Variants in FNIP2 observed in about 807,000 individuals in gnomAD.
FNIP2 encodes folliculin-interacting protein 2.
FNIP2 carries 32 observed loss-of-function variants against 108.7 expected under a neutral mutation model. The observed-to-expected ratio is 0.29, with a 90% CI of 0.22 to 0.40. FNIP2 has a LOEUF of 0.40. FNIP2 is among the 10% of genes least tolerant of loss of function. The pLI, the probability that FNIP2 is intolerant of heterozygous loss-of-function variation, is 1.00. For missense variants in FNIP2, 1,202 were observed against 1,381.6 expected (o/e 0.87, Z 2.06); for synonymous variants, 480 against 496.7 (o/e 0.97, Z 0.45).
Position 158,830,248 on chromosome 4 carries a change from C to CTTTTTT in FNIP2, c.381+1043_381+1048dup, listed in dbSNP as rs35746599. On this transcript the variant is annotated intron_variant, in intron 3 of 16. Coordinates refer to ENST00000264433, the MANE Select transcript of FNIP2 (RefSeq NM_020840.3). ...GAGCAGGGCTGATAGATTTATCTTTCTTTTTTTTTTTTTTTTTTTTTTTTT... is the reference window on the plus strand; with the variant it reads ...GAGCAGGGCTGATAGATTTATCTTTCTTTTTTTTTTTTTTTTTTTTTTTTTTTTTTT... 3.0e-4 allele frequency among the ~76,000 whole-genome samples: 19 copies of CTTTTTT among 63,974 alleles called. 1 individual carries two copies. Among genetic ancestry groups the CTTTTTT allele is most frequent in the African/African-American group, 9.1e-4 (15 of 16,556 alleles). The allele number at this position is 63,974 out of a possible 152,430, so 42.0% of individuals were successfully genotyped here. A position where few individuals can be genotyped will look rare whatever the true frequency, so the allele number is the denominator to read the frequency against.
In FNIP2 at chr4:158,792,064, A is replaced by G. The variant is rs1260893754; in HGVS notation, c.107+22745A>G. Among the ~76,000 whole-genome samples the G allele has an allele frequency of 3.3e-5, 5 of 152,200 alleles. No individual in the cohort carries two copies. In the East Asian group the frequency reaches 9.7e-4, roughly 29 times the overall value. ...AGCTACAGTGAGCCGTGATTGCACC[A>G]CTGCACTCCAGCCTGGGAGACAGAG... On this transcript the variant is annotated intron_variant, in intron 1 of 16. Transcript: ENST00000264433.
chr4:158,798,468 C>T (rs1056034099), intron 1 of FNIP2, among the ~76,000 whole-genome samples: 10 of 152,170 alleles, frequency 6.6e-5, no homozygotes, highest in African/African-American at 2.4e-4. Context: ...TTACCCTTCC[C>T]CTGCTTCATC....
intron 1 of FNIP2, among the ~76,000 whole-genome samples, chr4:158,791,172 G>T (rs1293749295): frequency 6.6e-6 from 1 of 151,482 alleles, no homozygotes; most frequent in Admixed American, 6.6e-5. Flanking sequence ...ACATTTTCAG[G>T]CAGTTTTGCT....
intron 1 of FNIP2, among the ~76,000 whole-genome samples, chr4:158,798,496 C>A (rs1239555125): frequency 6.6e-6 from 1 of 152,226 alleles, no homozygotes; most frequent in African/African-American, 2.4e-5. Flanking sequence ...ATAGCACTCA[C>A]CATTTGTTTT....
chr4:158,889,931 G>T, intron 14 of FNIP2: 1 of 985,158 alleles, frequency 1.0e-6, no homozygotes, highest in Non-Finnish European at 1.2e-6. Context: ...CTGAAGCCTT[G>T]TATCTTTAGT....
At chr4:158,812,264 T>C (rs890196780) in intron 1 of FNIP2, among the ~76,000 whole-genome samples, 6 of 152,342 alleles carry the variant, frequency 3.9e-5, no homozygotes, top group African/African-American at 1.4e-4. Flanking sequence ...CATTCCCCTC[T>C]GTCAGTAGGA....
At chr4:158,777,572 G>A (rs1247511181) in intron 1 of FNIP2, among the ~76,000 whole-genome samples, 2 of 152,164 alleles carry the variant, frequency 1.3e-5, no homozygotes, top group East Asian at 1.9e-4. Context: ...AGCATATCAG[G>A]CAATGACTGT....
Position 158,905,666 on chromosome 4 carries a change from C to T in FNIP2, c.*1122C>T, listed in dbSNP as rs894657785. On this transcript the variant is annotated 3_prime_UTR_variant, in exon 17 of 17. Transcript: ENST00000264433. Reference sequence around the variant, plus strand: ...CATTAACTTACACATTGTATAAAACCGACCAAAATGATTTCCTAAAGTTCA... The same window carrying T: ...CATTAACTTACACATTGTATAAAACTGACCAAAATGATTTCCTAAAGTTCA... 6.7e-6 allele frequency: 1 copy of T among 148,824 alleles called. No homozygotes were observed. The highest frequency in any genetic ancestry group is 2.1e-4 in the South Asian group (1 of 4,654). The allele number at this position is 148,824 out of a possible 1,614,324, so 9.2% of individuals were successfully genotyped here. A position where few individuals can be genotyped will look rare whatever the true frequency, so the allele number is the denominator to read the frequency against.
intron 12 of FNIP2, 112 bp from the exon 13 acceptor site, chr4:158,867,990 G>A: frequency 2.2e-6 from 3 of 1,389,510 alleles, no homozygotes; most frequent in Non-Finnish European, 2.9e-6. Flanking sequence ...GTCTGAAGCA[G>A]GGACTCCAGA....
intron 14 of FNIP2, among the ~76,000 whole-genome samples, chr4:158,873,356 T>TTTTTTGTTTTGTTTTG (rs1232140157): frequency 3.9e-5 from 6 of 152,076 alleles, no homozygotes; most frequent in Non-Finnish European, 8.8e-5. Context: ...TGTGGTGGTT[T>TTTTTTGTTTTGTTTTG]TTTTTGTTTT....
chr4:158,815,178 G>A (rs933006306), intron 1 of FNIP2, among the ~76,000 whole-genome samples: 3 of 152,174 alleles, frequency 2.0e-5, no homozygotes, highest in Admixed American at 6.5e-5. Flanking sequence ...GAGGAACAAA[G>A]AGATTAGGTA....
rs56397772 is a variant in FNIP2 at position 158,874,492 on chromosome 4, C to CAAAAAA, written c.2949+4031_2949+4036dup. On this transcript the variant is annotated intron_variant, in intron 14 of 16. Transcript: ENST00000264433. Reference sequence around the variant, plus strand: ...CAATATAGCAAAATCCCATCTCTAGCAAAAAAAAAAAAATAGCTAGGCATG... The same window carrying CAAAAAA: ...CAATATAGCAAAATCCCATCTCTAGCAAAAAAAAAAAAAAAAAAATAGCTAGGCATG... Among the ~76,000 whole-genome samples, 2 of 91,442 alleles carry CAAAAAA rather than the reference C, an allele frequency of 2.2e-5. 1 individual carries two copies. Among genetic ancestry groups the CAAAAAA allele is most frequent in the Non-Finnish European group, 4.1e-5 (2 of 48,474 alleles). The allele number at this position is 91,442 out of a possible 152,430, so 60.0% of individuals were successfully genotyped here.
chr4:158,778,514 A>T (rs771801529), intron 1 of FNIP2, among the ~76,000 whole-genome samples: 1 of 152,216 alleles, frequency 6.6e-6, no homozygotes, highest in East Asian at 1.9e-4. Context: ...GTCATCTCAC[A>T]TCATCTCAAG....
rs763993382 is a variant in FNIP2 at position 158,829,173 on chromosome 4, G to T, written c.329G>T (p.Ser110Ile). The T allele has an allele frequency of 6.2e-7, 1 of 1,613,068 alleles. No homozygotes were observed. ...SSSSSSISSH[S>I]SSGGSSHHAK... Reference sequence around the variant, plus strand: ...AGCAGCAGCAGCATCTCTTCCCACAGTTCTTCTGGGGGATCTTCACATCAT... The same window carrying T: ...AGCAGCAGCAGCATCTCTTCCCACATTTCTTCTGGGGGATCTTCACATCAT... The change falls in exon 3 of 17, where the codon AGT (serine) becomes ATT (isoleucine). Residue 110 changes from serine (S) to isoleucine (I), a missense_variant. This residue lies in a region of FNIP2 where 173 missense variants were observed against 165.9 expected (regional missense o/e 1.04). Coordinates refer to ENST00000264433, the MANE Select transcript of FNIP2 (RefSeq NM_020840.3).
chr4:158,832,223 A>G (rs1778526466), intron 5 of FNIP2, 85 bp downstream of exon 5: 7 of 1,083,784 alleles, frequency 6.5e-6, no homozygotes, highest in South Asian at 6.0e-5. Context: ...GCCATAAGGC[A>G]TTTTGAAATG....
intron 14 of FNIP2, among the ~76,000 whole-genome samples, chr4:158,880,352 C>T (rs1781518301): frequency 6.6e-6 from 1 of 152,062 alleles, no homozygotes; most frequent in South Asian, 2.1e-4. Flanking sequence ...GACAGAAAAC[C>T]AAACACCGCA....
chr4:158,829,931 C>G lies in FNIP2; in HGVS notation c.381+706C>G, dbSNP rs552370883. 3.9e-5 allele frequency among the ~76,000 whole-genome samples: 6 copies of G among 152,264 alleles called. No homozygotes were observed. In the South Asian group the frequency reaches 1.2e-3, roughly 32 times the overall value. On this transcript the variant is annotated intron_variant, in intron 3 of 16. Coordinates refer to ENST00000264433, the MANE Select transcript of FNIP2 (RefSeq NM_020840.3). Reference sequence around the variant, plus strand: ...CTAGGGAAGTTACCAGCAAATGGGTCTGGAGAACTTTGTTTTTTCATAGTT... The same window carrying G: ...CTAGGGAAGTTACCAGCAAATGGGTGTGGAGAACTTTGTTTTTTCATAGTT...
chr4:158,850,428 C>A (rs949171260), intron 7 of FNIP2, among the ~76,000 whole-genome samples: 1 of 151,712 alleles, frequency 6.6e-6, no homozygotes, highest in African/African-American at 2.4e-5. Flanking sequence ...CTTTGCCTAC[C>A]TGAGAGGGAC....
chr4:158,864,315 C>G (rs1338430288), intron 12 of FNIP2, among the ~76,000 whole-genome samples: 1 of 152,150 alleles, frequency 6.6e-6, no homozygotes, highest in Non-Finnish European at 1.5e-5. Flanking sequence ...AGGTGTCAGC[C>G]ACCATACCCA....
Sources: allele counts gnomAD v4.1 joint callset (sites outside exome capture counted in the v4.1 genomes callset), GRCh38; gene constraint gnomAD v4.1.1; regional missense constraint gnomAD v4.1.1; transcripts MANE v1.5; gene names NCBI Gene and HGNC (gene_info 2026-07-23, HGNC 2026-07-21).